P2RY8: variants seen among roughly 807,000 people sequenced by gnomAD.
The protein encoded by P2RY8 is S-geranylgeranyl-glutathione receptor P2RY8.
A neutral mutation model predicts 10.0 loss-of-function variants in P2RY8; 6 were observed. The observed-to-expected ratio is 0.60, with a 90% confidence interval of 0.33 to 1.19. The LOEUF (loss-of-function observed/expected upper bound fraction) is 1.19, where lower values mean the gene tolerates loss of function less well. Among genes scored for constraint, P2RY8 ranks in the 50% most tolerant of loss-of-function variants. The pLI is 0.04. For synonymous variants in P2RY8, 276 were observed against 252.5 expected (o/e 1.09, Z -0.88); for missense variants, 456 against 542.0 (o/e 0.84, Z 1.58).
In P2RY8 at chrX:1,498,299, G is replaced by T. The variant is rs61001419; in HGVS notation, c.-24-31717C>A. On this transcript the variant is annotated intron_variant, in intron 1 of 1. Coordinates refer to ENST00000381297, the MANE Select transcript of P2RY8 (RefSeq NM_178129.5). ...CGGGTGCCTGTAGTCCCAGCTACTC[G>T]GGAGGCTGAGGCAGGAGAATGGCGT... Among the ~76,000 whole-genome samples, 540 of 148,964 alleles carry T rather than the reference G, an allele frequency of 3.6e-3. 3 individuals are homozygous for T. Among genetic ancestry groups the T allele is most frequent in the African/African-American group, 0.013 (511 of 40,462 alleles).
chrX:1,532,187 C>G (rs1476241302), intron 1 of P2RY8, among the ~76,000 whole-genome samples: 3 of 151,868 alleles, frequency 2.0e-5, no homozygotes, highest in Non-Finnish European at 4.4e-5. Flanking sequence ...AAATGTGGAA[C>G]CAACCCAAAT....
chrX:1,506,698 G>C (rs2092236719), intron 1 of P2RY8, among the ~76,000 whole-genome samples: 1 of 148,116 alleles, frequency 6.8e-6, no homozygotes, highest in Admixed American at 6.7e-5. Context: ...TTTTTTTTGA[G>C]ATGGAGTCTT....
At chrX:1,522,502 A>AGTACACT (rs1471068368) in intron 1 of P2RY8, among the ~76,000 whole-genome samples, 3 of 152,210 alleles carry the variant, frequency 2.0e-5, no homozygotes, top group African/African-American at 7.2e-5. Context: ...CGATAATTAT[A>AGTACACT]GTACACTGGC....
chrX:1,490,682 C>G (rs1208024149), intron 1 of P2RY8, among the ~76,000 whole-genome samples: 3 of 144,804 alleles, frequency 2.1e-5, no homozygotes, highest in Non-Finnish European at 4.5e-5. Context: ...CCCAGATTCA[C>G]TTCTGCAAAT....
intron 1 of P2RY8, among the ~76,000 whole-genome samples, chrX:1,500,572 G>A (rs1431366671): frequency 6.6e-6 from 1 of 151,868 alleles, no homozygotes; most frequent in Non-Finnish European, 1.5e-5. Context: ...AGCCTCCCGA[G>A]TAGCTGGGAT....
chrX:1,493,161 G>T (rs62602992), intron 1 of P2RY8, among the ~76,000 whole-genome samples: 1 of 149,006 alleles, frequency 6.7e-6, no homozygotes, highest in African/African-American at 2.5e-5. Flanking sequence ...TGGGGTGGGC[G>T]CCTGTAATCC....
At chrX:1,509,161 T>TTCTA (rs56651378) in intron 1 of P2RY8, among the ~76,000 whole-genome samples, 11,906 of 144,854 alleles carry the variant, frequency 0.082, 481 homozygotes, top group Middle Eastern at 0.13. Flanking sequence ...TATCCATCCA[T>TTCTA]TCTATCTATC....
chrX:1,469,320 C>T (rs1245780132), intron 1 of P2RY8, among the ~76,000 whole-genome samples: 10 of 151,038 alleles, frequency 6.6e-5, no homozygotes, highest in African/African-American at 9.7e-5. Context: ...TGCACCACCA[C>T]GCCTGGCTGA....
At chrX:1,508,032 G>T (rs574077037) in intron 1 of P2RY8, among the ~76,000 whole-genome samples, 1 of 152,200 alleles carries the variant, frequency 6.6e-6, no homozygotes, top group South Asian at 2.1e-4. Flanking sequence ...GCGTGTGCCT[G>T]ATGACCTCTC....
chrX:1,505,261 T>C (rs2092221649), intron 1 of P2RY8, among the ~76,000 whole-genome samples: 1 of 151,886 alleles, frequency 6.6e-6, no homozygotes, highest in Non-Finnish European at 1.5e-5. Context: ...CACTTGCCCA[T>C]CACAAAAACG....
chrX:1,524,402 C>CCTCCATCT, intron 1 of P2RY8, among the ~76,000 whole-genome samples: 1 of 39,224 alleles, frequency 2.5e-5, no homozygotes, highest in African/African-American at 7.3e-5. Context: ...TCCCTCCATC[C>CCTCCATCT]ATGCATGCAT....
intron 1 of P2RY8, among the ~76,000 whole-genome samples, chrX:1,528,773 T>C (rs1423519503): frequency 1.3e-5 from 2 of 152,074 alleles, no homozygotes; most frequent in Non-Finnish European, 2.9e-5. Context: ...CTTGAGTCTG[T>C]TTGAATGAGT....
chrX:1,499,744 T>C (rs1241964259), intron 1 of P2RY8, among the ~76,000 whole-genome samples: 19 of 152,124 alleles, frequency 1.2e-4, no homozygotes, highest in African/African-American at 4.3e-4. Flanking sequence ...CTAAATGATT[T>C]CCCCAAAACA....
At position 1,525,394 on chromosome X, in the gene P2RY8, A is replaced by G. The variant is rs191908059; in HGVS notation, c.-25+11527T>C. Among the ~76,000 whole-genome samples the G allele has an allele frequency of 2.8e-3, 424 of 152,320 alleles. 7 individuals are homozygous for G. The highest frequency in any genetic ancestry group is 7.4e-3 in the Admixed American group (113 of 15,298). Reference sequence around the variant, plus strand: ...TCCTTCTAAGAAGAGACTGGGACGCAGACATGCACAGAGGGAAGATTGCTG... The same window carrying G: ...TCCTTCTAAGAAGAGACTGGGACGCGGACATGCACAGAGGGAAGATTGCTG... On this transcript the variant is annotated intron_variant, in intron 1 of 1. Coordinates refer to ENST00000381297, the MANE Select transcript of P2RY8 (RefSeq NM_178129.5).
intron 1 of P2RY8, among the ~76,000 whole-genome samples, chrX:1,485,294 C>T (rs770086986): frequency 3.9e-5 from 6 of 152,100 alleles, no homozygotes; most frequent in South Asian, 4.1e-4. Flanking sequence ...TGCACCACCA[C>T]GCCCAGCTAC....
chrX:1,507,702 C>G (rs1282942049), intron 1 of P2RY8, among the ~76,000 whole-genome samples: 2 of 152,186 alleles, frequency 1.3e-5, no homozygotes, highest in Admixed American at 6.5e-5. Flanking sequence ...CTTCCCATGT[C>G]TCCCTGCCAC....
chrX:1,497,697 T>C (rs1255034708), intron 1 of P2RY8, among the ~76,000 whole-genome samples: 41 of 152,094 alleles, frequency 2.7e-4, no homozygotes, highest in African/African-American at 9.2e-4. Flanking sequence ...CAAGCAAATA[T>C]GGCCTTTTCT....
At chrX:1,510,282 A>G (rs2092289670) in intron 1 of P2RY8, among the ~76,000 whole-genome samples, 1 of 152,100 alleles carries the variant, frequency 6.6e-6, no homozygotes, top group African/African-American at 2.4e-5. Context: ...AGCGTGATGG[A>G]CTCACTACTC....
chrX:1,484,212 A>T (rs1376159289), intron 1 of P2RY8, among the ~76,000 whole-genome samples: 3 of 152,150 alleles, frequency 2.0e-5, no homozygotes, highest in African/African-American at 7.2e-5. Context: ...GGGAACCCTC[A>T]GCTGTGACAA....
Sources: gnomAD v4.1 joint callset for allele counts (sites outside exome capture counted in the v4.1 genomes callset) on GRCh38, gnomAD v4.1.1 for gene constraint, MANE v1.5 for transcripts, NCBI Gene and HGNC (gene_info 2026-07-23, HGNC 2026-07-21) for gene names.